The following FAT3 variants were observed in gnomAD, a reference collection of about 807,000 sequenced individuals.
FAT3 encodes FAT atypical cadherin 3, also known as protocadherin Fat 3.
FAT3 carries 95 observed loss-of-function variants against 310.2 expected under a neutral mutation model. The ratio of observed to expected loss-of-function variants is 0.31; its 90% CI spans 0.26 to 0.36. The LOEUF is 0.36. FAT3 is among the 10% of genes least tolerant of loss of function. The pLI is 1.00. For missense variants in FAT3, 5,408 were observed against 5,715.6 expected (o/e 0.95, Z 1.74); for synonymous variants, 2,314 against 2,192.9 (o/e 1.06, Z -1.54).
intron 3 of FAT3, among the ~76,000 whole-genome samples, chr11:92,668,027 A>G (rs1446794361): frequency 1.3e-5 from 2 of 152,226 alleles, no homozygotes; most frequent in Non-Finnish European, 2.9e-5. Context: ...ATTAGGAAAG[A>G]TCATCAGAGC....
intron 3 of FAT3, among the ~76,000 whole-genome samples, chr11:92,599,670 A>G (rs1939912505): frequency 1.3e-5 from 2 of 152,220 alleles, no homozygotes; most frequent in Admixed American, 1.3e-4. Context: ...ATTAAAGTTC[A>G]CATTCTAGAC....
intron 22 of FAT3, among the ~76,000 whole-genome samples, chr11:92,874,579 G>A (rs1480864855): frequency 6.6e-6 from 1 of 152,176 alleles, no homozygotes; most frequent in African/African-American, 2.4e-5. Flanking sequence ...CGCTCTTGTT[G>A]CCTAGGCTGA....
intron 7 of FAT3, 132 bp from the exon 8 acceptor site, chr11:92,789,809 CCT>C: frequency 1.2e-6 from 1 of 800,786 alleles, no homozygotes; most frequent in South Asian, 1.8e-5. Flanking sequence ...TAGTGAGTTT[CCT>C]CTGTGTTGCA....
intron 1 of FAT3, chr11:92,336,557 A>G (rs1365368293): frequency 1.2e-5 from 2 of 166,502 alleles, no homozygotes; most frequent in Non-Finnish European, 2.6e-5. Flanking sequence ...TATAATACAG[A>G]TGATAAAGAT....
In FAT3 at chr11:92,878,660, AAAAAAAAG is replaced by A. The variant is rs1473186192; in HGVS notation, c.12128-2070_12128-2063del. 3.9e-3 allele frequency among the ~76,000 whole-genome samples: 311 copies of A among 80,588 alleles called. 21 individuals carry two copies. The highest frequency in any genetic ancestry group is 9.0e-3 in the African/African-American group (124 of 13,830). The allele number at this position is 80,588 out of a possible 152,430, so 52.9% of individuals were successfully genotyped here. On this transcript the variant is annotated intron_variant, in intron 22 of 27. Coordinates refer to ENST00000525166, the MANE Select transcript of FAT3 (RefSeq NM_001367949.2). Reference sequence around the variant, plus strand: ...AAAAAAAAAAAAAAAAAAAAAAAAAAAAAAAAAGCTCCGCACAAAAAAAGTTCTTGGAA... The same window carrying A: ...AAAAAAAAAAAAAAAAAAAAAAAAAACTCCGCACAAAAAAAGTTCTTGGAA...
intron 13 of FAT3, among the ~76,000 whole-genome samples, chr11:92,825,573 G>A (rs1398726270): frequency 6.6e-6 from 1 of 152,066 alleles, no homozygotes; most frequent in African/African-American, 2.4e-5. Flanking sequence ...TGTGTGGGGG[G>A]CCTTCAGGCA....
chr11:92,713,246 C>T (rs1186045333), intron 4 of FAT3, among the ~76,000 whole-genome samples: 1 of 152,178 alleles, frequency 6.6e-6, no homozygotes, highest in Non-Finnish European at 1.5e-5. Flanking sequence ...GAATGATAAG[C>T]AAAGGGAAAA....
At chr11:92,501,896 G>A (rs554648910) in intron 2 of FAT3, among the ~76,000 whole-genome samples, 361 of 151,996 alleles carry the variant, frequency 2.4e-3, no homozygotes, top group African/African-American at 8.4e-3. Context: ...CCCACATGAT[G>A]TACTAAAAGG....
intron 2 of FAT3, among the ~76,000 whole-genome samples, chr11:92,381,455 A>G (rs946753740): frequency 7.2e-5 from 11 of 152,126 alleles, no homozygotes; most frequent in Admixed American, 2.0e-4. Context: ...GGAGGTTGCA[A>G]TGAGCCAAGA....
intron 1 of FAT3, among the ~76,000 whole-genome samples, chr11:92,229,514 G>GTTTTTTTTTTTTT (rs1241053262): frequency 1.7e-5 from 1 of 59,308 alleles, no homozygotes; most frequent in Admixed American, 3.0e-4. Flanking sequence ...TTTGTTTTTT[G>GTTTTTTTTTTTTT]TTTTTTTTTA....
intron 3 of FAT3, among the ~76,000 whole-genome samples, chr11:92,656,208 A>G (rs933466144): frequency 6.6e-6 from 1 of 152,168 alleles, no homozygotes; most frequent in Non-Finnish European, 1.5e-5. Flanking sequence ...ATATAGAAAC[A>G]AAATTATACA....
chr11:92,834,797 T>C lies in FAT3; in HGVS notation c.9872-73T>C, dbSNP rs557058077. ...TTGGCTGGAGAGGATGTTAGAAATA[T>C]TACCATGATTATAGAATTGCTGACC... On this transcript the variant is annotated intron_variant, in intron 14 of 27. Transcript: ENST00000525166. The C allele has an allele frequency of 8.2e-4, 1,057 of 1,284,526 alleles. 1 individual carries two copies. Among genetic ancestry groups the C allele is most frequent in the Admixed American group, 1.1e-3 (45 of 40,854 alleles). 79.6% of individuals were successfully genotyped at this position (1,284,526 alleles called of 1,614,324 possible). A position where few individuals can be genotyped will look rare whatever the true frequency, so the allele number is the denominator to read the frequency against.
chr11:92,481,836 A>G (rs1186772927), intron 2 of FAT3, among the ~76,000 whole-genome samples: 1 of 152,208 alleles, frequency 6.6e-6, no homozygotes, highest in African/African-American at 2.4e-5. Flanking sequence ...TTTAAAAAGC[A>G]CTGCTATCTT....
intron 14 of FAT3, among the ~76,000 whole-genome samples, chr11:92,834,048 T>TG (rs1268948828): frequency 6.6e-6 from 1 of 152,212 alleles, no homozygotes; most frequent in Non-Finnish European, 1.5e-5. Flanking sequence ...TCCTCATGAT[T>TG]GTTTACTAGG....
chr11:92,430,306 T>C (rs1195273557), intron 2 of FAT3, among the ~76,000 whole-genome samples: 1 of 152,182 alleles, frequency 6.6e-6, no homozygotes, highest in African/African-American at 2.4e-5. Flanking sequence ...TTAGCTTCCT[T>C]GCATTGGGTT....
chr11:92,542,377 C>CTGT (rs1193957648), intron 3 of FAT3, among the ~76,000 whole-genome samples: 3 of 151,618 alleles, frequency 2.0e-5, no homozygotes, highest in African/African-American at 7.3e-5. Context: ...GAAAAGGAGA[C>CTGT]AACAGAGTAA....
At position 92,464,590 on chromosome 11, in the gene FAT3, A is replaced by C. The variant is rs1951715632; in HGVS notation, c.3293-60044A>C. On this transcript the variant is annotated intron_variant, in intron 2 of 27. Coordinates refer to ENST00000525166, the MANE Select transcript of FAT3 (RefSeq NM_001367949.2). ...ATATAGGGCCCCTTAAATGGTCTGCATGGGAACAGCATAGGAAATAATGCT... is the reference window on the plus strand; with the variant it reads ...ATATAGGGCCCCTTAAATGGTCTGCCTGGGAACAGCATAGGAAATAATGCT... Among the ~76,000 whole-genome samples, 3 of 152,310 alleles carry C rather than the reference A, an allele frequency of 2.0e-5. No homozygotes were observed. The South Asian group carries it at 6.2e-4, about 32-fold the overall frequency.
At chr11:92,620,362 G>T (rs1941029033) in intron 3 of FAT3, among the ~76,000 whole-genome samples, 1 of 152,070 alleles carries the variant, frequency 6.6e-6, no homozygotes, top group Non-Finnish European at 1.5e-5. Flanking sequence ...TTTTGTCTTT[G>T]GTCTAGTTGG....
chr11:92,697,348 G>T, intron 3 of FAT3, 36 bp from the exon 4 acceptor site: 1 of 1,600,888 alleles, frequency 6.2e-7, no homozygotes, highest in Non-Finnish European at 8.6e-7. Flanking sequence ...GTTTGCCCCA[G>T]ATATTTAAAA....
Sources: gnomAD v4.1 joint callset for allele counts (sites outside exome capture counted in the v4.1 genomes callset) on GRCh38, gnomAD v4.1.1 for gene constraint, MANE v1.5 for transcripts, NCBI Gene and HGNC (gene_info 2026-07-23, HGNC 2026-07-21) for gene names.